Variants in ZNF567 observed in about 807,000 individuals in gnomAD.
ZNF567 encodes the protein zinc finger protein 567.
In ZNF567, 36 loss-of-function variants were observed where a neutral mutation model predicts 53.9. The ratio of observed to expected loss-of-function variants is 0.67; its 90% CI spans 0.51 to 0.88. The LOEUF (loss-of-function observed/expected upper bound fraction) is 0.88, where lower values mean the gene tolerates loss of function less well. Ranked by LOEUF, ZNF567 falls within the 40% of genes least tolerant of loss-of-function variation. The pLI is 0.00. For synonymous variants in ZNF567, 224 were observed against 260.4 expected, an observed-to-expected ratio of 0.86 and a Z score of 1.35; for missense variants, 619 against 764.7, an observed-to-expected ratio of 0.81 and a Z score of 2.25.
rs2039837557 is a variant in ZNF567, at chr19:36,712,418, C to T, written c.42C>T (p.Asp14=). Residue 14 remains aspartate (D), a synonymous_variant, in exon 4 of 6, where the codon GAC becomes GAT. Transcript: ENST00000682579. ...TGTCTTTCAATGATGTGACTGTGGACTTCACTCAGGAGGAGTGGCAGCACC... is the reference window on the plus strand; with the variant it reads ...TGTCTTTCAATGATGTGACTGTGGATTTCACTCAGGAGGAGTGGCAGCACC... ...GSVSFNDVTV[D]FTQEEWQHLD... The T allele has an allele frequency of 6.2e-7, 1 of 1,614,000 alleles. No individual in the cohort carries two copies. The highest frequency in any genetic ancestry group is 8.5e-7 in the Non-Finnish European group (1 of 1,179,942).
At chr19:36,695,221 A>G (rs1369424569) in intron 3 of ZNF567, among the ~76,000 whole-genome samples, 1 of 150,146 alleles carries the variant, frequency 6.7e-6, no homozygotes. Flanking sequence ...CCTTGTCTCC[A>G]CCAGAAATTA....
At chr19:36,714,934 C>T (rs962336528) in intron 5 of ZNF567, among the ~76,000 whole-genome samples, 1 of 151,790 alleles carries the variant, frequency 6.6e-6, no homozygotes, top group African/African-American at 2.4e-5. Flanking sequence ...TCTCATATGC[C>T]CTCACATGAT....
At chr19:36,705,553 C>A (rs749399485) in intron 3 of ZNF567, among the ~76,000 whole-genome samples, 2 of 152,150 alleles carry the variant, frequency 1.3e-5, no homozygotes, top group African/African-American at 2.4e-5. Context: ...TATATGATGT[C>A]TTCCTAAATT....
At position 36,720,384 on chromosome 19, in the gene ZNF567, A is replaced by G; in HGVS notation, c.1660A>G (p.Ile554Val). The change falls in exon 6 of 6, where the codon ATA (isoleucine) becomes GTA (valine). Residue 554 changes from isoleucine (I) to valine (V), a missense_variant. Physicochemically the swap from Ile to Val is conservative, Grantham distance 29. Coordinates refer to ENST00000682579, the MANE Select transcript of ZNF567 (RefSeq NM_001322917.1). Reference sequence around the variant, plus strand: ...AGCAACCCTCACTGTACATCAGAAAATACATACCGGCCAGAAATCCTATGA... The same window carrying G: ...AGCAACCCTCACTGTACATCAGAAAGTACATACCGGCCAGAAATCCTATGA... ...QKATLTVHQK[I>V]HTGQKSYECP... 1 of 1,614,196 alleles carries G rather than the reference A, an allele frequency of 6.2e-7. No homozygotes were observed. The highest frequency in any genetic ancestry group is 1.7e-5 in the Admixed American group (1 of 60,026).
chr19:36,723,741 G>A (rs2040322317), downstream of ZNF567, among the ~76,000 whole-genome samples: 1 of 152,066 alleles, frequency 6.6e-6, no homozygotes, highest in Admixed American at 6.5e-5. Flanking sequence ...GCCTAAGGCA[G>A]GAGAATCACT....
At chr19:36,693,054 A>G (rs970172448) in intron 2 of ZNF567, among the ~76,000 whole-genome samples, 3 of 152,126 alleles carry the variant, frequency 2.0e-5, no homozygotes, top group African/African-American at 7.2e-5. Flanking sequence ...TTGGGAAGCC[A>G]AGGCAGGAAG....
rs534672019 is a variant in ZNF567, at chr19:36,712,085, C to T, written c.10-301C>T. On this transcript the variant is annotated intron_variant, in intron 3 of 5. Coordinates refer to ENST00000682579, the MANE Select transcript of ZNF567 (RefSeq NM_001322917.1). ...TTTTTTTGACAGAGTCCTGCTCTGT[C>T]GCCCAGGCTGGAGTGCAGTGGCATG... 2.4e-4 allele frequency: 62 copies of T among 253,196 alleles called. 3 individuals carry two copies. The South Asian group carries it at 2.6e-3, about 11-fold the overall frequency. 15.7% of individuals were successfully genotyped at this position (253,196 alleles called of 1,614,324 possible).
chr19:36,686,940 G>C (rs1411374294), upstream of ZNF567: 1 of 152,190 alleles, frequency 6.6e-6, no homozygotes, highest in Non-Finnish European at 1.5e-5. Flanking sequence ...GAGAACTGGG[G>C]ACAGGTGTGC....
downstream of ZNF567, among the ~76,000 whole-genome samples, chr19:36,726,746 G>T (rs567327738): frequency 6.6e-6 from 1 of 152,266 alleles, no homozygotes; most frequent in East Asian, 1.9e-4. Context: ...TTTTACTGCT[G>T]CATATGGGAA....
upstream of ZNF567, among the ~76,000 whole-genome samples, chr19:36,684,188 A>G (rs2038228569): frequency 6.6e-6 from 1 of 152,228 alleles, no homozygotes; most frequent in African/African-American, 2.4e-5. Flanking sequence ...TTGTTAGAAG[A>G]AACAAGTAGA....
chr19:36,683,070 T>G (rs1196704924), upstream of ZNF567, among the ~76,000 whole-genome samples: 17 of 151,734 alleles, frequency 1.1e-4, no homozygotes, highest in Admixed American at 1.1e-3. Context: ...ATTTTAAGAG[T>G]TTTTTGTTTT....
intron 2 of ZNF567, among the ~76,000 whole-genome samples, chr19:36,690,906 T>C (rs2038571098): frequency 6.6e-6 from 1 of 152,342 alleles, no homozygotes; most frequent in East Asian, 1.9e-4. Flanking sequence ...GTTAGTCATG[T>C]TAGTCAATTT....
chr19:36,685,408 G>C (rs1240128330), upstream of ZNF567: 2 of 152,180 alleles, frequency 1.3e-5, no homozygotes, highest in Non-Finnish European at 2.9e-5. Context: ...ACTCCACCCA[G>C]AAGTCAATGC....
chr19:36,714,069 T>G (rs957742932), intron 5 of ZNF567, among the ~76,000 whole-genome samples: 1 of 152,336 alleles, frequency 6.6e-6, no homozygotes, highest in East Asian at 1.9e-4. Context: ...TTTTATTAGC[T>G]CGTGTATCTT....
intron 2 of ZNF567, among the ~76,000 whole-genome samples, chr19:36,694,271 T>C (rs1471054777): frequency 6.6e-6 from 1 of 151,860 alleles, no homozygotes; most frequent in African/African-American, 2.4e-5. Flanking sequence ...ATTCAGAAAA[T>C]AAAAATGATA....
chr19:36,681,307 T>C, the ZNF567 span, among the ~76,000 whole-genome samples: 2 of 152,172 alleles, frequency 1.3e-5, no homozygotes, highest in Non-Finnish European at 2.9e-5. Flanking sequence ...TGTCTCCATA[T>C]TATTTTAATT....
At chr19:36,668,111 A>G in the ZNF567 span, 1 of 151,918 alleles carries the variant, frequency 6.6e-6, no homozygotes, top group Non-Finnish European at 1.5e-5. Flanking sequence ...GATTTATTTT[A>G]TTTTTATTTT....
chr19:36,681,738 C>CT, the ZNF567 span, among the ~76,000 whole-genome samples: 69 of 142,458 alleles, frequency 4.8e-4, no homozygotes, highest in Admixed American at 7.8e-4. Flanking sequence ...GCCAAGTTTT[C>CT]TTTTTTTTTT....
At chr19:36,703,106 G>A (rs1420510656) in intron 3 of ZNF567, among the ~76,000 whole-genome samples, 4 of 152,238 alleles carry the variant, frequency 2.6e-5, no homozygotes, top group Non-Finnish European at 4.4e-5. Flanking sequence ...GGTTTTTGGT[G>A]TGGATGTCCT....
Sources: gnomAD v4.1 joint callset for allele counts (sites outside exome capture counted in the v4.1 genomes callset) on GRCh38, gnomAD v4.1.1 for gene constraint, MANE v1.5 for transcripts, NCBI Gene and HGNC (gene_info 2026-07-23, HGNC 2026-07-21) for gene names.